The following PCDH7 variants were observed in gnomAD, a reference collection of about 807,000 sequenced individuals.
PCDH7 encodes protocadherin-7.
PCDH7 carries 17 observed loss-of-function variants against 58.9 expected under a neutral mutation model. The observed-to-expected ratio is 0.29, with a 90% CI of 0.20 to 0.43. PCDH7 has a LOEUF of 0.43. PCDH7 is among the 20% of genes least tolerant of loss of function. The pLI is 1.00. For synonymous variants in PCDH7, 664 were observed against 616.4 expected (o/e 1.08, Z -1.14); for missense variants, 1,274 against 1,441.0 (o/e 0.88, Z 1.88).
rs1749955705 is a variant in PCDH7 at position 30,975,143 on chromosome 4, T to TG, written c.*7+24928_*7+24929insG. ...AAATCCATCCAGTCCTTCCCTTTCATTGTGTGTGTGTGTGTGTGTGTGTGT... is the reference window on the plus strand; with the variant it reads ...AAATCCATCCAGTCCTTCCCTTTCATGTGTGTGTGTGTGTGTGTGTGTGTGT... On this transcript the variant is annotated intron_variant, in intron 3 of 3. Coordinates refer to the PCDH7 transcript ENST00000509759. Among the ~76,000 whole-genome samples, 20 of 138,852 alleles carry TG rather than the reference T, an allele frequency of 1.4e-4. No homozygotes were observed. In the South Asian group the frequency reaches 1.8e-3, roughly 12 times the overall value. 91.1% of individuals were successfully genotyped at this position (138,852 alleles called of 152,430 possible). A position where few individuals can be genotyped will look rare whatever the true frequency, so the allele number is the denominator to read the frequency against.
chr4:30,976,912 C>G (rs2109480557), intron 3 of PCDH7, among the ~76,000 whole-genome samples: 1 of 152,202 alleles, frequency 6.6e-6, no homozygotes, highest in East Asian at 1.9e-4. Flanking sequence ...AGCATCTTAT[C>G]AGGAAACTGG....
chr4:30,819,696 T>C (rs2109320383), intron 1 of PCDH7, among the ~76,000 whole-genome samples: 1 of 152,320 alleles, frequency 6.6e-6, no homozygotes, highest in Admixed American at 6.5e-5. Flanking sequence ...CAGATCATTT[T>C]TCAATAGGTA....
At chr4:30,910,862 T>C (rs540695349) in intron 1 of PCDH7, among the ~76,000 whole-genome samples, 31 of 152,284 alleles carry the variant, frequency 2.0e-4, no homozygotes, top group Admixed American at 5.9e-4. Flanking sequence ...TGCACACGTA[T>C]GTTTACTGTA....
chr4:30,772,290 G>A (rs1003574423), intron 1 of PCDH7, among the ~76,000 whole-genome samples: 3 of 152,222 alleles, frequency 2.0e-5, no homozygotes, highest in East Asian at 3.8e-4. Flanking sequence ...TTTCCAATAT[G>A]AGAAATCAGC....
intron 1 of PCDH7, among the ~76,000 whole-genome samples, chr4:30,806,125 C>T (rs538400944): frequency 1.8e-4 from 27 of 152,158 alleles, no homozygotes; most frequent in African/African-American, 6.0e-4. Context: ...ACCTGTATGT[C>T]CTTTCATTAT....
chr4:30,745,859 A>T (rs577606697), intron 1 of PCDH7, among the ~76,000 whole-genome samples: 54 of 151,972 alleles, frequency 3.6e-4, no homozygotes, highest in Non-Finnish European at 6.3e-4. Context: ...ATTTTTTTTG[A>T]TACAGATTCT....
chr4:30,957,132 C>T (rs772893291), intron 3 of PCDH7, among the ~76,000 whole-genome samples: 10 of 152,124 alleles, frequency 6.6e-5, no homozygotes, highest in Non-Finnish European at 8.8e-5. Flanking sequence ...GAGAGTTTAA[C>T]ACCACTAGAG....
At chr4:30,809,280 T>TC (rs1454565700) in intron 1 of PCDH7, among the ~76,000 whole-genome samples, 1 of 152,134 alleles carries the variant, frequency 6.6e-6, no homozygotes, top group Admixed American at 6.5e-5. Context: ...TCCCCTTCCC[T>TC]CCCCAACTAT....
chr4:30,988,427 C>T (rs1172607991), intron 3 of PCDH7, among the ~76,000 whole-genome samples: 1 of 152,144 alleles, frequency 6.6e-6, no homozygotes, highest in East Asian at 1.9e-4. Context: ...CTGAATTAAA[C>T]AGAATTCTCA....
intron 1 of PCDH7, among the ~76,000 whole-genome samples, chr4:30,907,301 T>A (rs1255966570): frequency 1.3e-5 from 2 of 152,026 alleles, no homozygotes; most frequent in Non-Finnish European, 2.9e-5. Flanking sequence ...AAAGAAACTA[T>A]CATCAGAGTG....
intron 3 of PCDH7, among the ~76,000 whole-genome samples, chr4:31,058,364 G>A (rs923941761): frequency 1.3e-5 from 2 of 152,012 alleles, no homozygotes; most frequent in African/African-American, 4.8e-5. Context: ...AAATAATGTT[G>A]ATGCCTGGGT....
chr4:30,723,699 C>A lies in PCDH7; in HGVS notation c.2277C>A (p.Val759=). 6.2e-7 allele frequency: 1 copy of A among 1,614,118 alleles called. No homozygotes were observed. Among genetic ancestry groups the A allele is most frequent in the South Asian group, 1.1e-5 (1 of 91,082 alleles). ...CTTTACTGCCACCTTCGAGTAATGT[C>A]AGGACAGTAGTAGCTACAGTGTTGG... Residue 759 remains valine, a synonymous_variant, in exon 1 of 2, where the codon GTC becomes GTA. Transcript: ENST00000361762. The surrounding 1 kb of genome is among the most constrained non-coding windows in gnomAD (Gnocchi z 4.6).
At chr4:30,800,517 T>G (rs1025170601) in intron 1 of PCDH7, among the ~76,000 whole-genome samples, 1 of 152,292 alleles carries the variant, frequency 6.6e-6, no homozygotes, top group African/African-American at 2.4e-5. Flanking sequence ...GGAAATAAAA[T>G]ATCTGTGTTT....
At chr4:30,809,993 T>C (rs935770482) in intron 1 of PCDH7, among the ~76,000 whole-genome samples, 1 of 152,238 alleles carries the variant, frequency 6.6e-6, no homozygotes, top group African/African-American at 2.4e-5. Context: ...GCTAACTCAG[T>C]GTGGCAGGAT....
At chr4:30,824,595 A>G (rs1378437642) in intron 1 of PCDH7, among the ~76,000 whole-genome samples, 1 of 152,046 alleles carries the variant, frequency 6.6e-6, no homozygotes, top group Non-Finnish European at 1.5e-5. Flanking sequence ...TGGCTACTCT[A>G]GGGGAGAAGG....
At position 30,742,768 on chromosome 4, in the gene PCDH7, A is replaced by G. The variant is rs75946503; in HGVS notation, c.70+18172A>G. Among the ~76,000 whole-genome samples, 557 of 152,306 alleles carry G rather than the reference A, an allele frequency of 3.7e-3. 2 individuals carry two copies. The highest frequency in any genetic ancestry group is 0.013 in the African/African-American group (535 of 41,574). On this transcript the variant is annotated intron_variant, in intron 1 of 3. Transcript: ENST00000509759. ...GTGAATTTTGTTTTAATTCGGCTTC[A>G]TATGAGAAAGAAAAAGAATATTCAT...
intron 3 of PCDH7, among the ~76,000 whole-genome samples, chr4:31,121,363 A>G (rs1374779191): frequency 6.6e-6 from 1 of 152,192 alleles, no homozygotes; most frequent in Non-Finnish European, 1.5e-5. Flanking sequence ...AGTGGCTATA[A>G]TTTGCTTCCT....
At chr4:31,078,211 A>G (rs1340338793) in intron 3 of PCDH7, among the ~76,000 whole-genome samples, 1 of 152,148 alleles carries the variant, frequency 6.6e-6, no homozygotes, top group African/African-American at 2.4e-5. Flanking sequence ...GCTTATGTGA[A>G]CCTTTCAAAA....
chr4:31,065,335 A>T (rs1178649363), intron 3 of PCDH7, among the ~76,000 whole-genome samples: 2 of 151,996 alleles, frequency 1.3e-5, no homozygotes, highest in African/African-American at 4.8e-5. Flanking sequence ...AGCAGTGCTT[A>T]GTGGTAAGGC....
Sources: gnomAD v4.1 joint callset for allele counts (sites outside exome capture counted in the v4.1 genomes callset) on GRCh38, gnomAD v4.1.1 for gene constraint, Gnocchi (gnomAD v3.1) non-coding constraint, MANE v1.5 for transcripts, NCBI Gene and HGNC (gene_info 2026-07-23, HGNC 2026-07-21) for gene names.